The following PCED1A variants were observed in gnomAD, a reference collection of about 807,000 sequenced individuals.
PCED1A encodes PC-esterase domain containing 1A.
A neutral mutation model predicts 41.9 loss-of-function variants in PCED1A; 20 were observed. The ratio of observed to expected loss-of-function variants is 0.48; its 90% CI spans 0.34 to 0.69. The LOEUF is 0.69. Among genes scored for constraint, PCED1A ranks in the 30% least tolerant of loss-of-function variants. The probability of loss-of-function intolerance (pLI) is 0.01; values close to 1 mark genes in which losing one functional copy is unlikely to be tolerated. For synonymous variants in PCED1A, 236 were observed against 241.3 expected, an observed-to-expected ratio of 0.98 and a Z score of 0.20; for missense variants, 498 against 602.1, an observed-to-expected ratio of 0.83 and a Z score of 1.81.
Position 2,840,278 on chromosome 20 carries a change from C to A in PCED1A, c.-89G>T, listed in dbSNP as rs1035502652. On this transcript the variant is annotated 5_prime_UTR_variant, in exon 1 of 8. Transcript: ENST00000360652. ...GCCTGCGCACCGCGCGCCTGGCCCG[C>A]AGCGGGCTCCTAGCCAAGCCTCATG... 8.1e-6 allele frequency: 2 copies of A among 246,916 alleles called. No individual in the cohort carries two copies. Among genetic ancestry groups the A allele is most frequent in the African/African-American group, 2.3e-5 (1 of 43,802 alleles). The allele number at this position is 246,916 out of a possible 1,614,324, so 15.3% of individuals were successfully genotyped here. A position where few individuals can be genotyped will look rare whatever the true frequency, so the allele number is the denominator to read the frequency against.
Position 2,835,941 on chromosome 20 carries a change from G to A in PCED1A, c.1117+98C>T, listed in dbSNP as rs960461112. The A allele has an allele frequency of 2.8e-6, 4 of 1,447,516 alleles. No individual in the cohort carries two copies. The African/African-American group carries it at 4.3e-5, about 16-fold the overall frequency. The allele number at this position is 1,447,516 out of a possible 1,614,324, so 89.7% of individuals were successfully genotyped here. On this transcript the variant is annotated intron_variant, in intron 7 of 7. Coordinates refer to ENST00000360652, the MANE Select transcript of PCED1A (RefSeq NM_022760.6). The stretch of plus-strand genomic sequence containing the variant: ...CTGCTGTGACCAAACCCAGTGCTAG[G>A]GGCACAAGGAGCTACCCAACTCCTC...
At position 2,838,145 on chromosome 20, in the gene PCED1A, T is replaced by A. The variant is rs1412904603; in HGVS notation, c.841+87A>T. On this transcript the variant is annotated intron_variant, in intron 6 of 7. Transcript: ENST00000360652. The surrounding 1 kb of genome is among the most constrained non-coding windows in gnomAD (Gnocchi z 5.8). Reference sequence around the variant, plus strand: ...TCCTTCAAGGGACCTCTACTTCCCTTGAGTGGCTGTGTCCCATTCTGTTTC... The same window carrying A: ...TCCTTCAAGGGACCTCTACTTCCCTAGAGTGGCTGTGTCCCATTCTGTTTC... 6.3e-7 allele frequency: 1 copy of A among 1,588,914 alleles called. No individual in the cohort carries two copies. Among genetic ancestry groups the A allele is most frequent in the African/African-American group, 1.3e-5 (1 of 74,486 alleles).
intron 7 of PCED1A, 125 bp downstream of exon 7, chr20:2,835,914 G>C: frequency 6.9e-7 from 1 of 1,442,492 alleles, no homozygotes. Context: ...CAGACTCAGG[G>C]ACTGCTGTGA....
chr20:2,835,545 G>A lies in PCED1A; in HGVS notation c.1282C>T (p.Arg428Trp), dbSNP rs147076858. ...ATCAGTCTCTCTGAGTGTCTGAGCC[G>A]CTGCCTGCAGGGCCCCCCCATTCTC... ...VRRMGGPCRQ[R>W]LRHSERLIHT... is the part of the protein sequence containing the mutation. The change falls in exon 8 of 8, where the codon CGG (arginine) becomes TGG (tryptophan). Residue 428 changes from arginine to tryptophan, a missense_variant. Arg to Trp is a moderately radical substitution (Grantham distance 101, BLOSUM62 -3). Around this residue, in one of 2 missense-constraint regions of PCED1A, gnomAD observed 245 missense variants for 232.4 expected, o/e 1.05. Transcript: ENST00000360652. The A allele has an allele frequency of 1.9e-4, 313 of 1,613,948 alleles. 1 individual carries two copies. The highest frequency in any genetic ancestry group is 2.4e-4 in the Non-Finnish European group (286 of 1,179,988).
chr20:2,835,759 G>A, intron 7 of PCED1A, 50 bp from the exon 8 acceptor site: 7 of 1,512,276 alleles, frequency 4.6e-6, no homozygotes, highest in South Asian at 1.3e-5. Flanking sequence ...CAGAGTGAGT[G>A]CAGCTCTGCC....
At chr20:2,839,693 C>A in intron 2 of PCED1A, 96 bp downstream of exon 2, 1 of 1,532,778 alleles carries the variant, frequency 6.5e-7, no homozygotes, top group South Asian at 1.2e-5. Context: ...GACCAGAAGA[C>A]AGACAAGAGA....
At chr20:2,840,164 T>A (rs559204137) in intron 1 of PCED1A, 47 bp downstream of exon 1, 2 of 371,700 alleles carry the variant, frequency 5.4e-6, no homozygotes, top group South Asian at 6.3e-5. Context: ...CCTCGCCACG[T>A]GCCCGCCGCC....
chr20:2,838,944 G>A lies in PCED1A; in HGVS notation c.343C>T (p.Arg115Cys). Residue 115 changes from arginine (R) to cysteine (C), a missense_variant, in exon 4 of 8, where the codon CGT becomes TGT. Arg to Cys is a radical substitution (Grantham distance 180, BLOSUM62 -3). This residue lies in a region of PCED1A where 253 missense variants were observed against 369.7 expected (regional missense o/e 0.68). Coordinates refer to ENST00000360652, the MANE Select transcript of PCED1A (RefSeq NM_022760.6). The surrounding 1 kb of genome is among the most constrained non-coding windows in gnomAD (Gnocchi z 5.8). Reference protein sequence around the residue: ...HHLVRFYFLTRVYSEYLEDVL... With the variant: ...HHLVRFYFLTCVYSEYLEDVL... ...TCCTCAAGGTACTCGGAGTAAACAC[G>A]AGTGAGGAAGTAGAAGCGCACAAGG... The A allele has an allele frequency of 6.8e-6, 11 of 1,614,038 alleles. No homozygotes were observed. The highest frequency in any genetic ancestry group is 9.3e-6 in the Non-Finnish European group (11 of 1,180,036).
At chr20:2,837,456 C>T (rs1243207052) in intron 6 of PCED1A, among the ~76,000 whole-genome samples, 1 of 152,178 alleles carries the variant, frequency 6.6e-6, no homozygotes, top group Non-Finnish European at 1.5e-5. Context: ...TCAACAAGTG[C>T]AGCAGGAAAC....
rs768637574 is a variant in PCED1A at position 2,838,768 on chromosome 20, G to A, written c.444-22C>T. ...ATATCTGTTGGATAACACACAGGGT[G>A]GGCAAGAGCACAAGGGTGGACTGCC... On this transcript the variant is annotated intron_variant, in intron 4 of 7. Coordinates refer to ENST00000360652, the MANE Select transcript of PCED1A (RefSeq NM_022760.6). The surrounding 1 kb of genome is among the most constrained non-coding windows in gnomAD (Gnocchi z 5.8). The A allele has an allele frequency of 2.3e-5, 37 of 1,614,048 alleles. No homozygotes were observed. In the South Asian group the frequency reaches 4.0e-4, roughly 17 times the overall value.
intron 2 of PCED1A, 100 bp downstream of exon 2, chr20:2,839,689 A>C (rs758215639): frequency 6.6e-6 from 10 of 1,524,454 alleles, no homozygotes; most frequent in Non-Finnish European, 7.1e-6. Flanking sequence ...AACAGACCAG[A>C]AGACAGACAA....
chr20:2,840,006 G>A lies in PCED1A; in HGVS notation c.-21-73C>T, dbSNP rs1410557022. 1.5e-5 allele frequency: 21 copies of A among 1,444,818 alleles called. No individual in the cohort carries two copies. The East Asian group carries it at 3.2e-4, about 22-fold the overall frequency. The allele number at this position is 1,444,818 out of a possible 1,614,324, so 89.5% of individuals were successfully genotyped here. On this transcript the variant is annotated intron_variant, in intron 1 of 7. Transcript: ENST00000360652. The stretch of plus-strand genomic sequence containing the variant: ...GGTCAGCCTCAGGGCTAGCCCCTCC[G>A]GGGCTGCTCAATGCTAAAGGGAGGA...
intron 2 of PCED1A, 96 bp downstream of exon 2, chr20:2,839,693 C>G: frequency 6.5e-7 from 1 of 1,532,778 alleles, no homozygotes; most frequent in Non-Finnish European, 8.9e-7. Context: ...GACCAGAAGA[C>G]AGACAAGAGA....
At position 2,838,813 on chromosome 20, in the gene PCED1A, C is replaced by T. The variant is rs764504882; in HGVS notation, c.443+31G>A. On this transcript the variant is annotated intron_variant, in intron 4 of 7. Coordinates refer to ENST00000360652, the MANE Select transcript of PCED1A (RefSeq NM_022760.6). The surrounding 1 kb of genome is among the most constrained non-coding windows in gnomAD (Gnocchi z 5.8). ...ACTGCCTCAGCCGTACTTCCAGCCC[C>T]AACCAGTATTCCCCTTTCCCTCGCC... 1.2e-6 allele frequency: 2 copies of T among 1,614,088 alleles called. No homozygotes were observed. The highest frequency in any genetic ancestry group is 1.7e-6 in the Non-Finnish European group (2 of 1,180,028).
chr20:2,840,745 G>A (rs773252998), upstream of PCED1A: 2 of 1,547,668 alleles, frequency 1.3e-6, no homozygotes, highest in South Asian at 2.4e-5. Flanking sequence ...GTGTCCCCTC[G>A]GTGCTTCCCA....
chr20:2,839,515 G>T (rs2088907051), intron 2 of PCED1A, among the ~76,000 whole-genome samples: 1 of 152,220 alleles, frequency 6.6e-6, no homozygotes, highest in African/African-American at 2.4e-5. Flanking sequence ...AGTCACCCAG[G>T]AGACACACTA....
At chr20:2,835,754 T>A in intron 7 of PCED1A, 45 bp from the exon 8 acceptor site, 1 of 1,515,666 alleles carries the variant, frequency 6.6e-7, no homozygotes, top group Non-Finnish European at 8.8e-7. Flanking sequence ...CTGGCCAGAG[T>A]GAGTGCAGCT....
At position 2,838,328 on chromosome 20, in the gene PCED1A, A is replaced by C. The variant is rs1442969557; in HGVS notation, c.745T>G (p.Trp249Gly). Residue 249 changes from tryptophan to glycine, a missense_variant, in exon 6 of 8, where the codon TGG (tryptophan) becomes GGG (glycine). Physicochemically the swap from Trp to Gly is radical, Grantham distance 184. Transcript: ENST00000360652. This position sits in a 1 kb window ranked among gnomAD's most constrained non-coding sequence, Gnocchi z 5.8. ...AGGTGGCGGTGTGCATGCTGGTCCCAGTGGACACCATCCCGATGACGGTGC... is the reference window on the plus strand; with the variant it reads ...AGGTGGCGGTGTGCATGCTGGTCCCCGTGGACACCATCCCGATGACGGTGC... Reference protein sequence around the residue: ...VQHRHRDGVHWDQHAHRHLSH... With the variant: ...VQHRHRDGVHGDQHAHRHLSH... 1 of 1,614,130 alleles carries C rather than the reference A, an allele frequency of 6.2e-7. No individual in the cohort carries two copies. Among genetic ancestry groups the C allele is most frequent in the Non-Finnish European group, 8.5e-7 (1 of 1,180,042 alleles).
rs145876762 is a variant in PCED1A at position 2,838,206 on chromosome 20, AC to A, written c.841+25del. 1,726 of 1,612,750 alleles carry A rather than the reference AC, an allele frequency of 1.1e-3. No homozygotes were observed. Among genetic ancestry groups the A allele is most frequent in the Non-Finnish European group, 1.4e-3 (1,643 of 1,179,808 alleles). On this transcript the variant is annotated intron_variant, in intron 6 of 7. Coordinates refer to ENST00000360652, the MANE Select transcript of PCED1A (RefSeq NM_022760.6). This position sits in a 1 kb window ranked among gnomAD's most constrained non-coding sequence, Gnocchi z 5.8. ...CCTCTGAGGGCCCCAGTGCATCACT[AC>A]CCCCCCACTTATGGTAGGGCTCACC...
Sources: allele counts gnomAD v4.1 joint callset (sites outside exome capture counted in the v4.1 genomes callset), GRCh38; gene constraint gnomAD v4.1.1; regional missense constraint gnomAD v4.1.1; non-coding constraint Gnocchi (gnomAD v3.1); transcripts MANE v1.5; gene names NCBI Gene and HGNC (gene_info 2026-07-23, HGNC 2026-07-21).